Variants in ANO9 observed in about 807,000 individuals in gnomAD.
ANO9 encodes the protein anoctamin-9.
A neutral mutation model predicts 100.5 loss-of-function variants in ANO9; 80 were observed. The ratio of observed to expected loss-of-function variants is 0.80; its 90% CI spans 0.66 to 0.96. ANO9 has a LOEUF of 0.96. Among genes scored for constraint, ANO9 ranks in the 40% least tolerant of loss-of-function variants. ANO9 has a pLI of 0.00. For missense variants in ANO9, 1,064 were observed against 1,072.7 expected (o/e 0.99, Z 0.11); for synonymous variants, 473 against 435.6 (o/e 1.09, Z -1.07).
At chr11:438,462 C>G (rs908222494) in intron 1 of ANO9, among the ~76,000 whole-genome samples, 8 of 146,956 alleles carry the variant, frequency 5.4e-5, no homozygotes, top group African/African-American at 7.5e-5. Flanking sequence ...CACCCCCTGA[C>G]ACACACAGCC....
intron 1 of ANO9, among the ~76,000 whole-genome samples, chr11:441,491 G>T (rs1845869257): frequency 6.6e-6 from 1 of 152,156 alleles, no homozygotes. Flanking sequence ...GGGGCAGCCT[G>T]CCTGGTGCCC....
chr11:432,053 G>C lies in ANO9; in HGVS notation c.352C>G (p.Leu118Val), dbSNP rs761709193. 6.2e-7 allele frequency: 1 copy of C among 1,612,698 alleles called. No homozygotes were observed. Among genetic ancestry groups the C allele is most frequent in the African/African-American group, 1.3e-5 (1 of 74,850 alleles). The change falls in exon 5 of 23, where the codon CTC (leucine) becomes GTC (valine). Residue 118 changes from leucine (L) to valine (V), a missense_variant and splice_region_variant. By Grantham distance (32) the Leu-to-Val change is conservative. Transcript: ENST00000332826. This position sits in a 1 kb window ranked among gnomAD's most constrained non-coding sequence, Gnocchi z 4.8. The part of the protein sequence containing the change: ...APTTIPVTTS[L>V]RIRIVNFVVM... ...ACGAAGTTCACGATTCGGATTCTGA[G>C]ACTCAAGAGCCAGAGCAGGGTGGCC...
intron 1 of ANO9, among the ~76,000 whole-genome samples, chr11:437,127 A>G (rs936905073): frequency 1.3e-5 from 2 of 149,438 alleles, no homozygotes; most frequent in African/African-American, 5.0e-5. Context: ...TCCTCACAGG[A>G]GGAGGAGGAA....
At position 430,111 on chromosome 11, in the gene ANO9, C is replaced by T. The variant is rs771337995; in HGVS notation, c.743G>A (p.Arg248Gln). The change falls in exon 9 of 23, where the codon CGG (arginine) becomes CAG (glutamine). Residue 248 changes from arginine to glutamine, a missense_variant. Physicochemically the swap from Arg to Gln is conservative, Grantham distance 43. Transcript: ENST00000332826. ...GGCAAAAGTGCAGGTTTCCGAGAGC[C>T]GCTGGTACCTGCGGCTGTGGTCGCC... is the stretch of plus-strand genomic sequence containing the variant. Reference protein sequence around the residue: ...PLGDHSRRYQRLSETCTFAKL... With the variant: ...PLGDHSRRYQQLSETCTFAKL... 28 of 1,552,324 alleles carry T rather than the reference C, an allele frequency of 1.8e-5. No individual in the cohort carries two copies. The highest frequency in any genetic ancestry group is 4.9e-5 in the East Asian group (2 of 40,966).
rs1848149793 is a variant in ANO9 at position 421,027 on chromosome 11, A to G, written c.1408T>C (p.Cys470Arg). The G allele has an allele frequency of 6.2e-7, 1 of 1,603,844 alleles. No individual in the cohort carries two copies. Residue 470 changes from cysteine (C) to arginine (R), a missense_variant, in exon 17 of 23, where the codon TGC becomes CGC. Coordinates refer to ENST00000332826, the MANE Select transcript of ANO9 (RefSeq NM_001012302.3). This position sits in a 1 kb window ranked among gnomAD's most constrained non-coding sequence, Gnocchi z 6.8. Reference protein sequence around the residue: ...WKLEECHASGCMMDLFVQMAI... With the variant: ...WKLEECHASGRMMDLFVQMAI... ...ATCTGCACGAAGAGGTCCATCATGC[A>G]GCCGCTGGCGTGGCACTGCGGGGCC...
Position 429,770 on chromosome 11 carries a change from T to G in ANO9, c.820A>C (p.Met274Leu). The G allele has an allele frequency of 6.2e-7, 1 of 1,610,634 alleles. No individual in the cohort carries two copies. Among genetic ancestry groups the G allele is most frequent in the Non-Finnish European group, 8.5e-7 (1 of 1,178,632 alleles). The change falls in exon 10 of 23, where the codon ATG becomes CTG. Residue 274 changes from methionine (M) to leucine (L), a missense_variant. Met to Leu is a conservative substitution (Grantham distance 15). Coordinates refer to ENST00000332826, the MANE Select transcript of ANO9 (RefSeq NM_001012302.3). ...CGCAGCAACTCACCCCAGAGAGCCA[T>G]GAAGATGGCGAACACCACCGTGCCA... The part of the protein sequence containing the change: ...NDGTVVFAIF[M>L]ALWATVFLEI...
At chr11:437,009 G>GTGAGCTGGAGA (rs1164768379) in intron 1 of ANO9, among the ~76,000 whole-genome samples, 24 of 123,800 alleles carry the variant, frequency 1.9e-4, no homozygotes, top group Admixed American at 3.9e-4. Context: ...TGAGCGGGGA[G>GTGAGCTGGAGA]TGAGCTGGAG....
rs1291947055 is a variant in ANO9 at position 419,899 on chromosome 11, G to T, written c.1787-170C>A. 9.0e-6 allele frequency: 13 copies of T among 1,437,432 alleles called. No individual in the cohort carries two copies. In the East Asian group the frequency reaches 3.2e-4, roughly 36 times the overall value. The allele number at this position is 1,437,432 out of a possible 1,614,324, so 89.0% of individuals were successfully genotyped here. ...AAGTCCCCAGCCATGGCAGAGCATG[G>T]CCTCTGCGCTCCTGCACCCCTCACC... On this transcript the variant is annotated intron_variant, in intron 19 of 22. Transcript: ENST00000332826.
chr11:434,057 G>C lies in ANO9; in HGVS notation c.48C>G (p.Asp16Glu). ...TGCTGATCTCCATCAGCGGGAAGCT[G>C]TCCCCTTCGGGCTCCACCAGGATCC... ...SLRILVEPEG[D>E]SFPLMEISTC... is the part of the protein sequence containing the mutation. The change falls in exon 2 of 23, where the codon GAC becomes GAG. Residue 16 changes from aspartate to glutamate, a missense_variant. Physicochemically the swap from Asp to Glu is conservative, Grantham distance 45 (BLOSUM62 2). Coordinates refer to ENST00000332826, the MANE Select transcript of ANO9 (RefSeq NM_001012302.3). 6.4e-7 allele frequency: 1 copy of C among 1,551,014 alleles called. No individual in the cohort carries two copies. The highest frequency in any genetic ancestry group is 8.7e-7 in the Non-Finnish European group (1 of 1,147,370).
intron 1 of ANO9, among the ~76,000 whole-genome samples, chr11:438,710 C>T (rs1845587715): frequency 6.6e-6 from 1 of 152,062 alleles, no homozygotes; most frequent in Admixed American, 6.5e-5. Context: ...TTACGGACCA[C>T]GGGAGCCTGG....
At position 432,179 on chromosome 11, in the gene ANO9, GC is replaced by G; in HGVS notation, c.351-126del. 9.6e-7 allele frequency: 1 copy of G among 1,046,734 alleles called. No individual in the cohort carries two copies. The highest frequency in any genetic ancestry group is 1.4e-6 in the Non-Finnish European group (1 of 715,490). The allele number at this position is 1,046,734 out of a possible 1,614,324, so 64.8% of individuals were successfully genotyped here. On this transcript the variant is annotated intron_variant, in intron 4 of 22. Transcript: ENST00000332826. The surrounding 1 kb of genome is among the most constrained non-coding windows in gnomAD (Gnocchi z 4.8). ...TCCTGGCAGAGCCCCCAGCCTGCCA[GC>G]CCTGACCAGAGCCCAGAATCCACAA...
chr11:429,587 C>G lies in ANO9; in HGVS notation c.898G>C (p.Val300Leu), dbSNP rs200540611. 1.2e-6 allele frequency: 2 copies of G among 1,612,570 alleles called. No individual in the cohort carries two copies. The highest frequency in any genetic ancestry group is 1.7e-5 in the Admixed American group (1 of 60,010). ...ARVVLHWDLY[V>L]WDEEQEEMAL... ...CACCTCACCTGTTCCTCGTCCCACA[C>G]GTACAGGTCCCAGTGCAGGACCACG... Residue 300 changes from valine (V) to leucine (L), a missense_variant, in exon 11 of 23, where the codon GTG becomes CTG. Coordinates refer to ENST00000332826, the MANE Select transcript of ANO9 (RefSeq NM_001012302.3).
At chr11:439,643 G>A (rs764998121) in intron 1 of ANO9, among the ~76,000 whole-genome samples, 1 of 136,152 alleles carries the variant, frequency 7.3e-6, no homozygotes, top group African/African-American at 2.9e-5. Context: ...AGCCCTCTGG[G>A]ATCTGGCCCT....
At chr11:434,211 A>G in intron 1 of ANO9, 113 bp from the exon 2 acceptor site, 1 of 1,255,734 alleles carries the variant, frequency 8.0e-7, no homozygotes, top group Non-Finnish European at 1.1e-6. Flanking sequence ...CCTCCCCACA[A>G]GGAGAACAGC....
rs1848829997 is a variant in ANO9 at position 430,364 on chromosome 11, C to T, written c.579G>A (p.Trp193Ter). Residue 193 changes from tryptophan (W) to a stop codon, truncating the protein, a stop_gained, in exon 8 of 23, where the codon TGG becomes TGA. Coordinates refer to ENST00000332826, the MANE Select transcript of ANO9 (RefSeq NM_001012302.3). LOFTEE classifies it high-confidence loss of function. ...CCAGCATGTAGGTGTACCAGCCCAGCCAGACGAAGTACAGGGCCACCTTTT... is the reference window on the plus strand; with the variant it reads ...CCAGCATGTAGGTGTACCAGCCCAGTCAGACGAAGTACAGGGCCACCTTTT... ...FGEKVALYFV[W>*]LGWYTYMLVP... 16 of 1,608,152 alleles carry T rather than the reference C, an allele frequency of 9.9e-6. No individual in the cohort carries two copies. The highest frequency in any genetic ancestry group is 1.4e-5 in the Non-Finnish European group (16 of 1,178,710).
At chr11:429,840 C>G (rs549655667) in intron 9 of ANO9, 22 bp from the exon 10 acceptor site, 503 of 1,515,950 alleles carry the variant, frequency 3.3e-4, no homozygotes, top group Non-Finnish European at 4.0e-4. Flanking sequence ...ATAGGTGGGC[C>G]GGAGAGGAGG....
intron 1 of ANO9, among the ~76,000 whole-genome samples, chr11:439,744 C>T (rs561448259): frequency 6.6e-6 from 1 of 152,322 alleles, no homozygotes; most frequent in East Asian, 1.9e-4. Context: ...TGAGCCACAG[C>T]GTCTCGCCTC....
In ANO9 at chr11:432,083, G is replaced by T; in HGVS notation, c.351-29C>A. On this transcript the variant is annotated intron_variant, in intron 4 of 22. Coordinates refer to ENST00000332826, the MANE Select transcript of ANO9 (RefSeq NM_001012302.3). The surrounding 1 kb of genome is among the most constrained non-coding windows in gnomAD (Gnocchi z 4.8). ...AAGAGCCAGAGCAGGGTGGCCCCGT[G>T]TGACCACAGTGGACCCTGCCTCCAG... 11 of 1,611,552 alleles carry T rather than the reference G, an allele frequency of 6.8e-6. No homozygotes were observed. Among genetic ancestry groups the T allele is most frequent in the Non-Finnish European group, 8.5e-6 (10 of 1,179,284 alleles).
Position 418,947 on chromosome 11 carries a change from G to A in ANO9, c.1977C>T (p.His659=), listed in dbSNP as rs374660946. ...GYVNHSLSVF[H]TKDFQDPDGI... is the part of the protein sequence containing the mutation. ...CATCAGGGTCCTGGAAGTCCTTGGT[G>A]TGGAAGACGGACAGGCTGTGGTTGA... The change falls in exon 21 of 23, where the codon CAC becomes CAT. Residue 659 remains histidine (H), a synonymous_variant. Coordinates refer to ENST00000332826, the MANE Select transcript of ANO9 (RefSeq NM_001012302.3). 6.2e-7 allele frequency: 1 copy of A among 1,613,526 alleles called. No individual in the cohort carries two copies. The highest frequency in any genetic ancestry group is 8.5e-7 in the Non-Finnish European group (1 of 1,179,888).
Sources: gnomAD v4.1 joint callset for allele counts (sites outside exome capture counted in the v4.1 genomes callset) on GRCh38, gnomAD v4.1.1 for gene constraint, Gnocchi (gnomAD v3.1) non-coding constraint, MANE v1.5 for transcripts, NCBI Gene and HGNC (gene_info 2026-07-23, HGNC 2026-07-21) for gene names.